The following VCPIP1 variants were observed in gnomAD, a reference collection of about 807,000 sequenced individuals.
The protein encoded by VCPIP1 is valosin containing protein interacting protein 1, also known as deubiquitinating protein VCPIP1.
A neutral mutation model predicts 85.0 loss-of-function variants in VCPIP1; 8 were observed. That is an observed-to-expected ratio of 0.09 (90% CI 0.06 to 0.17). The LOEUF (loss-of-function observed/expected upper bound fraction) is 0.17, where lower values mean the gene tolerates loss of function less well. VCPIP1 is among the 10% of genes least tolerant of loss of function. VCPIP1 has a pLI of 1.00. For synonymous variants in VCPIP1, 543 were observed against 544.5 expected (o/e 1.00, Z 0.04); for missense variants, 1,070 against 1,486.3 (o/e 0.72, Z 4.61).
chr8:66,645,266 A>T (rs1329645358), intron 2 of VCPIP1, among the ~76,000 whole-genome samples: 1 of 152,128 alleles, frequency 6.6e-6, no homozygotes, highest in African/African-American at 2.4e-5. Flanking sequence ...AAAAATAAAA[A>T]AATTAGCTGG....
Position 66,666,888 on chromosome 8 carries a change from G to A in VCPIP1, c.71C>T (p.Pro24Leu), listed in dbSNP as rs779044590. 4 of 1,612,176 alleles carry A rather than the reference G, an allele frequency of 2.5e-6. No individual in the cohort carries two copies. The highest frequency in any genetic ancestry group is 2.5e-6 in the Non-Finnish European group (3 of 1,179,682). The change falls in exon 1 of 3, where the codon CCG (proline) becomes CTG (leucine). Residue 24 changes from proline (P) to leucine (L), a missense_variant. Coordinates refer to ENST00000310421, the MANE Select transcript of VCPIP1 (RefSeq NM_025054.5). The surrounding 1 kb of genome is among the most constrained non-coding windows in gnomAD (Gnocchi z 6.3). ...PPPPPEAPQT[P>L]SSLASAAASG... ...AGCAGCCGCCGACGCCAAGGACGACGGAGTCTGTGGAGCCTCAGGGGGAGG... is the reference window on the plus strand; with the variant it reads ...AGCAGCCGCCGACGCCAAGGACGACAGAGTCTGTGGAGCCTCAGGGGGAGG...
At chr8:66,657,894 A>AT (rs1421053201) in intron 1 of VCPIP1, among the ~76,000 whole-genome samples, 4 of 152,224 alleles carry the variant, frequency 2.6e-5, no homozygotes, top group Admixed American at 6.5e-5. Context: ...TTTTCAAAGT[A>AT]TAATTATATA....
At position 66,657,468 on chromosome 8, in the gene VCPIP1, G is replaced by A. The variant is rs144074887; in HGVS notation, c.2711-5924C>T. The stretch of plus-strand genomic sequence containing the variant: ...CTACCCTTCCTGACGTAATCCTCAC[G>A]TTTAAAAGTTTATCTACCCTATTGA... On this transcript the variant is annotated intron_variant, in intron 1 of 2. Coordinates refer to ENST00000310421, the MANE Select transcript of VCPIP1 (RefSeq NM_025054.5). 1.2e-3 allele frequency among the ~76,000 whole-genome samples: 177 copies of A among 152,228 alleles called. 1 individual carries two copies. The highest frequency in any genetic ancestry group is 4.1e-3 in the African/African-American group (170 of 41,536).
intron 1 of VCPIP1, among the ~76,000 whole-genome samples, chr8:66,663,006 G>A (rs1811172166): frequency 6.6e-6 from 1 of 150,792 alleles, no homozygotes; most frequent in African/African-American, 2.4e-5. Flanking sequence ...TTGGGAGGCT[G>A]AGGCAGGAGA....
At chr8:66,652,312 T>C (rs1811061733) in intron 1 of VCPIP1, among the ~76,000 whole-genome samples, 1 of 152,168 alleles carries the variant, frequency 6.6e-6, no homozygotes, top group Non-Finnish European at 1.5e-5. Context: ...GATAAGATTA[T>C]TGAAAGATAT....
chr8:66,659,199 ATTTT>A (rs34749864), intron 1 of VCPIP1, among the ~76,000 whole-genome samples: 1 of 144,900 alleles, frequency 6.9e-6, no homozygotes. Context: ...TCTACAAGAA[ATTTT>A]TTTTTTTTTT....
intron 1 of VCPIP1, among the ~76,000 whole-genome samples, chr8:66,656,322 G>A (rs1464334059): frequency 1.3e-5 from 2 of 152,042 alleles, no homozygotes; most frequent in East Asian, 1.9e-4. Flanking sequence ...AGCTTCCTGA[G>A]TAGCTAGGAC....
rs1810862072 is a variant in VCPIP1 at position 66,634,260 on chromosome 8, T to C, written c.*241A>G. ...AAGAACTTCCAATGAACCACATATA[T>C]GGAAGAAAGTCATCTCAGCAGATCT... On this transcript the variant is annotated 3_prime_UTR_variant, in exon 3 of 3. Transcript: ENST00000310421. 2 of 365,818 alleles carry C rather than the reference T, an allele frequency of 5.5e-6. No individual in the cohort carries two copies. The highest frequency in any genetic ancestry group is 9.7e-6 in the Non-Finnish European group (2 of 206,376). The allele number at this position is 365,818 out of a possible 1,614,324, so 22.7% of individuals were successfully genotyped here.
rs111467985 is a variant in VCPIP1 at position 66,655,250 on chromosome 8, T to G, written c.2711-3706A>C. On this transcript the variant is annotated intron_variant, in intron 1 of 2. Transcript: ENST00000310421. ...TTTTTACCCCCAGGGCCTCGCACAG[T>G]GCTGAACAGATGGCAACACTCATAG... is the stretch of plus-strand genomic sequence containing the variant. 8.8e-3 allele frequency among the ~76,000 whole-genome samples: 1,338 copies of G among 152,358 alleles called. 21 individuals are homozygous for G. Among genetic ancestry groups the G allele is most frequent in the African/African-American group, 0.03 (1,228 of 41,576 alleles).
intron 2 of VCPIP1, among the ~76,000 whole-genome samples, chr8:66,640,117 G>C (rs1810932686): frequency 2.0e-5 from 3 of 152,210 alleles, no homozygotes; most frequent in African/African-American, 7.2e-5. Flanking sequence ...ACATGAATCT[G>C]TTATAAAAAT....
chr8:66,656,481 C>T (rs1301395190), intron 1 of VCPIP1, among the ~76,000 whole-genome samples: 1 of 152,214 alleles, frequency 6.6e-6, no homozygotes, highest in Non-Finnish European at 1.5e-5. Context: ...GTGTGAGCTA[C>T]TGTGCCTAGC....
At position 66,665,730 on chromosome 8, in the gene VCPIP1, A is replaced by G; in HGVS notation, c.1229T>C (p.Leu410Ser). ...TTCCATAGCAGCAACAAGCCTAAGT[A>G]AGTATTTATCTTGCAAACTTCTGTC... ...GGDRSLQDKY[L>S]LRLVAAMEEV... Residue 410 changes from leucine to serine, a missense_variant, in exon 1 of 3, where the codon TTA (leucine) becomes TCA (serine). Leu to Ser is a moderately radical substitution (Grantham distance 145). Coordinates refer to ENST00000310421, the MANE Select transcript of VCPIP1 (RefSeq NM_025054.5). The surrounding 1 kb of genome is among the most constrained non-coding windows in gnomAD (Gnocchi z 4.3). 1 of 1,614,198 alleles carries G rather than the reference A, an allele frequency of 6.2e-7. No homozygotes were observed. Among genetic ancestry groups the G allele is most frequent in the Non-Finnish European group, 8.5e-7 (1 of 1,180,050 alleles).
intron 1 of VCPIP1, among the ~76,000 whole-genome samples, chr8:66,655,984 A>G (rs1447144684): frequency 6.6e-6 from 1 of 152,128 alleles, no homozygotes; most frequent in Non-Finnish European, 1.5e-5. Context: ...GTAGCTATAT[A>G]TGGCAGTGGT....
intron 2 of VCPIP1, among the ~76,000 whole-genome samples, chr8:66,640,189 G>C (rs1810933368): frequency 6.6e-6 from 1 of 152,162 alleles, no homozygotes; most frequent in Non-Finnish European, 1.5e-5. Context: ...ACTTTTCTGA[G>C]GATGATCCAT....
intron 2 of VCPIP1, among the ~76,000 whole-genome samples, chr8:66,649,725 C>T (rs1188441018): frequency 7.2e-5 from 11 of 152,076 alleles, no homozygotes; most frequent in Admixed American, 7.2e-4. Flanking sequence ...CACAAGAAAA[C>T]TTTTTGGAGT....
chr8:66,646,931 AG>A (rs1480198572), intron 2 of VCPIP1, among the ~76,000 whole-genome samples: 2 of 152,214 alleles, frequency 1.3e-5, no homozygotes, highest in Non-Finnish European at 2.9e-5. Context: ...AAGCTGAGAC[AG>A]GAGAATCACT....
intron 2 of VCPIP1, among the ~76,000 whole-genome samples, chr8:66,643,226 G>A (rs745357550): frequency 6.6e-6 from 1 of 152,054 alleles, no homozygotes; most frequent in Non-Finnish European, 1.5e-5. Context: ...GGGAGGCTGA[G>A]GCAGGAGAAT....
intron 2 of VCPIP1, among the ~76,000 whole-genome samples, chr8:66,650,860 C>CAAAAAA (rs770736039): frequency 1.5e-3 from 21 of 13,924 alleles, no homozygotes; most frequent in Non-Finnish European, 2.5e-3. Context: ...GACTTCGTCT[C>CAAAAAA]AAAAAAAAAA....
At chr8:66,647,605 T>C (rs1250252629) in intron 2 of VCPIP1, among the ~76,000 whole-genome samples, 1 of 152,074 alleles carries the variant, frequency 6.6e-6, no homozygotes, top group African/African-American at 2.4e-5. Flanking sequence ...GTCAGTTGAT[T>C]TAAGAAAAAG....
Sources: allele counts gnomAD v4.1 joint callset (sites outside exome capture counted in the v4.1 genomes callset), GRCh38; gene constraint gnomAD v4.1.1; non-coding constraint Gnocchi (gnomAD v3.1); transcripts MANE v1.5; gene names NCBI Gene and HGNC (gene_info 2026-07-23, HGNC 2026-07-21).